VAC14: variants seen among roughly 807,000 people sequenced by gnomAD.
VAC14 encodes protein VAC14 homolog.
Under a neutral mutation model 85.3 loss-of-function variants are expected in VAC14, and 47 were observed. The ratio of observed to expected loss-of-function variants is 0.55; its 90% CI spans 0.44 to 0.70. The LOEUF is 0.70. Ranked by LOEUF, VAC14 falls within the 30% of genes least tolerant of loss-of-function variation. The probability of loss-of-function intolerance (pLI) is 0.00; values close to 1 mark genes in which losing one functional copy is unlikely to be tolerated. For missense variants in VAC14, 861 were observed against 1,004.3 expected (o/e 0.86, Z 1.93); for synonymous variants, 447 against 430.5 (o/e 1.04, Z -0.47).
intron 14 of VAC14, among the ~76,000 whole-genome samples, chr16:70,727,608 G>T (rs888473791): frequency 6.6e-6 from 1 of 152,214 alleles, no homozygotes; most frequent in Admixed American, 6.5e-5. Flanking sequence ...AAAGTGCTGG[G>T]ATTACAGGCA....
chr16:70,689,237 C>T, intron 18 of VAC14: 7 of 985,294 alleles, frequency 7.1e-6, no homozygotes, highest in Non-Finnish European at 6.0e-6. Context: ...GATGCCTTGA[C>T]ACGATGTGTA....
At chr16:70,791,040 T>C (rs889818406) in intron 1 of VAC14, among the ~76,000 whole-genome samples, 1 of 152,182 alleles carries the variant, frequency 6.6e-6, no homozygotes, top group Non-Finnish European at 1.5e-5. Flanking sequence ...TATCTGACAC[T>C]TGGGGCAAGC....
intron 10 of VAC14, chr16:70,770,206 T>C (rs1415274601): frequency 6.6e-6 from 1 of 152,154 alleles, no homozygotes; most frequent in African/African-American, 2.4e-5. Context: ...AAGGCAGTCT[T>C]TCCCTCACCT....
intron 14 of VAC14, among the ~76,000 whole-genome samples, chr16:70,723,137 G>A (rs1209735927): frequency 6.6e-6 from 1 of 152,056 alleles, no homozygotes; most frequent in African/African-American, 2.4e-5. Context: ...CATGAGAACT[G>A]CTTGAACCCG....
intron 9 of VAC14, among the ~76,000 whole-genome samples, chr16:70,777,136 G>C (rs1403051806): frequency 6.6e-6 from 1 of 151,874 alleles, no homozygotes; most frequent in Non-Finnish European, 1.5e-5. Flanking sequence ...GTAGAGACGG[G>C]GTTTCACCAT....
chr16:70,765,991 G>A (rs543634235), intron 10 of VAC14, among the ~76,000 whole-genome samples: 1 of 151,964 alleles, frequency 6.6e-6, no homozygotes. Flanking sequence ...AAATTAGCTG[G>A]GTGTGGTGGT....
At chr16:70,792,103 C>T (rs2034366669) in intron 1 of VAC14, among the ~76,000 whole-genome samples, 1 of 152,168 alleles carries the variant, frequency 6.6e-6, no homozygotes, top group Non-Finnish European at 1.5e-5. Flanking sequence ...TGAAGGCGTC[C>T]TCTAACCCCT....
At chr16:70,775,439 T>C (rs920276423) in intron 9 of VAC14, among the ~76,000 whole-genome samples, 4 of 152,262 alleles carry the variant, frequency 2.6e-5, no homozygotes, top group African/African-American at 9.6e-5. Context: ...CATCTTTCAC[T>C]CTGTCCTATG....
intron 13 of VAC14, among the ~76,000 whole-genome samples, chr16:70,742,795 C>T (rs186468583): frequency 5.3e-5 from 8 of 152,340 alleles, no homozygotes; most frequent in East Asian, 3.9e-4. Context: ...TGGGCTGTGG[C>T]GGGAGGCTGA....
chr16:70,759,846 G>A (rs2032175662), intron 12 of VAC14, among the ~76,000 whole-genome samples: 2 of 152,162 alleles, frequency 1.3e-5, no homozygotes, highest in South Asian at 4.1e-4. Context: ...GCCTGGTGAG[G>A]AAGCGATTAA....
At chr16:70,781,845 A>G (rs1357566166) in intron 8 of VAC14, 24 bp downstream of exon 8, 5 of 1,612,698 alleles carry the variant, frequency 3.1e-6, no homozygotes, top group African/African-American at 1.3e-5. Flanking sequence ...TCTCTCAATT[A>G]TTCTCTCCCA....
At chr16:70,694,765 G>A (rs779427126) in intron 17 of VAC14, among the ~76,000 whole-genome samples, 1 of 152,224 alleles carries the variant, frequency 6.6e-6, no homozygotes, top group Non-Finnish European at 1.5e-5. Flanking sequence ...TGCCACTTTT[G>A]CACATTCAGC....
At chr16:70,781,825 C>G (rs767598586) in intron 8 of VAC14, 44 bp downstream of exon 8, 1 of 1,607,620 alleles carries the variant, frequency 6.2e-7, no homozygotes, top group East Asian at 2.2e-5. Flanking sequence ...TTCATAATCC[C>G]TTTGGGGCTT....
chr16:70,781,234 A>G lies in VAC14; in HGVS notation c.947-295T>C, dbSNP rs117434491. On this transcript the variant is annotated intron_variant, in intron 8 of 18. Coordinates refer to ENST00000261776, the MANE Select transcript of VAC14 (RefSeq NM_018052.5). ...CTTCCTCTTTGCCTCTGCCATGACT[A>G]AAAGCTTCCTGAGGCCTCACCAGAA... Among the ~76,000 whole-genome samples, 189 of 152,312 alleles carry G rather than the reference A, an allele frequency of 1.2e-3. 1 individual carries two copies. The East Asian group carries it at 0.03, about 24-fold the overall frequency.
intron 18 of VAC14, chr16:70,691,259 C>T (rs2053590232): frequency 1.1e-5 from 11 of 985,430 alleles, no homozygotes; most frequent in Non-Finnish European, 1.3e-5. Context: ...GCTGGGCTGG[C>T]TCCCTGGCCA....
At chr16:70,693,711 G>C (rs1188426042) in intron 17 of VAC14, among the ~76,000 whole-genome samples, 24 of 152,228 alleles carry the variant, frequency 1.6e-4, no homozygotes. Context: ...AGGTGGGATT[G>C]GAAACGGGCT....
At chr16:70,787,732 C>A (rs1312830642) in intron 1 of VAC14, among the ~76,000 whole-genome samples, 2 of 152,116 alleles carry the variant, frequency 1.3e-5, no homozygotes, top group Non-Finnish European at 2.9e-5. Context: ...GCCTTCCTGG[C>A]AAAAGGAACC....
At position 70,762,248 on chromosome 16, in the gene VAC14, C is replaced by A. The variant is rs2032453229; in HGVS notation, c.1371+292G>T. Among the ~76,000 whole-genome samples the A allele has an allele frequency of 6.6e-6, 1 of 152,120 alleles. No homozygotes were observed. The highest frequency in any genetic ancestry group is 2.1e-4 in the South Asian group (1 of 4,818). On this transcript the variant is annotated intron_variant, in intron 12 of 18. Transcript: ENST00000261776. This position sits in a 1 kb window ranked among gnomAD's most constrained non-coding sequence, Gnocchi z 4.1. ...TCAACCTCCTGAGCAGCTGGGAGTA[C>A]AGGCGTGCACCACCACGCCCGGCTA...
intron 10 of VAC14, among the ~76,000 whole-genome samples, chr16:70,764,297 G>A (rs913006042): frequency 2.6e-5 from 4 of 152,156 alleles, no homozygotes; most frequent in African/African-American, 7.2e-5. Flanking sequence ...CAGGAGCTCC[G>A]GGCATGTGAT....
Sources: allele counts gnomAD v4.1 joint callset (sites outside exome capture counted in the v4.1 genomes callset), GRCh38; gene constraint gnomAD v4.1.1; non-coding constraint Gnocchi (gnomAD v3.1); transcripts MANE v1.5; gene names NCBI Gene and HGNC (gene_info 2026-07-23, HGNC 2026-07-21).